SH3BP4: variants seen among roughly 807,000 people sequenced by gnomAD.
SH3BP4 encodes the protein SH3 domain binding protein 4.
In SH3BP4, 33 loss-of-function variants were observed where a neutral mutation model predicts 65.5. The observed-to-expected ratio is 0.50, with a 90% CI of 0.38 to 0.67. The LOEUF (loss-of-function observed/expected upper bound fraction) is 0.67. Among genes scored for constraint, SH3BP4 ranks in the 30% least tolerant of loss-of-function variants. The pLI is 0.00. For synonymous variants in SH3BP4, 552 were observed against 545.5 expected, an observed-to-expected ratio of 1.01 and a Z score of -0.17; for missense variants, 1,134 against 1,261.4, an observed-to-expected ratio of 0.90 and a Z score of 1.53.
rs903363534 is a variant in SH3BP4 at position 235,045,925 on chromosome 2, G to A, written c.2478+2678G>A. Among the ~76,000 whole-genome samples the A allele has an allele frequency of 2.6e-5, 4 of 152,180 alleles. No individual in the cohort carries two copies. Among genetic ancestry groups the A allele is most frequent in the African/African-American group, 9.7e-5 (4 of 41,448 alleles). On this transcript the variant is annotated intron_variant, in intron 4 of 5. Coordinates refer to ENST00000392011, the MANE Select transcript of SH3BP4 (RefSeq NM_014521.3). The surrounding 1 kb of genome is among the most constrained non-coding windows in gnomAD (Gnocchi z 4.3). ...GAGTTTGAGACAGTCAGTGTGCAGG[G>A]AGATGGGAAGGAAAAAGGAGTCAAA...
At position 235,034,887 on chromosome 2, in the gene SH3BP4, G is replaced by T. The variant is rs111873801; in HGVS notation, c.-116G>T. ...TACTTTCAGGAAGAAACATATTGCC[G>T]AGTGGATGCCGCCGCGCAGCGTGTT... is the stretch of plus-strand genomic sequence containing the variant. On this transcript the variant is annotated 5_prime_UTR_variant, in exon 3 of 6. It introduces an in-frame stop codon into an upstream open reading frame of the 5' UTR. Transcript: ENST00000392011. This position sits in a 1 kb window ranked among gnomAD's most constrained non-coding sequence, Gnocchi z 6.2. 175 of 793,658 alleles carry T rather than the reference G, an allele frequency of 2.2e-4. No homozygotes were observed. The African/African-American group carries it at 2.9e-3, about 13-fold the overall frequency. The allele number at this position is 793,658 out of a possible 1,614,324, so 49.2% of individuals were successfully genotyped here. A position where few individuals can be genotyped will look rare whatever the true frequency, so the allele number is the denominator to read the frequency against.
intron 4 of SH3BP4, among the ~76,000 whole-genome samples, chr2:235,050,033 G>A (rs1464073300): frequency 6.6e-6 from 1 of 152,174 alleles, no homozygotes; most frequent in Non-Finnish European, 1.5e-5. Context: ...AAAGTGGGTT[G>A]AACTCAGCCT....
chr2:234,957,277 C>G (rs952002046), intron 1 of SH3BP4, among the ~76,000 whole-genome samples: 1 of 152,074 alleles, frequency 6.6e-6, no homozygotes, highest in Non-Finnish European at 1.5e-5. Context: ...GCTTGGCCTC[C>G]CAAAGTGCTG....
intron 2 of SH3BP4, among the ~76,000 whole-genome samples, chr2:235,015,772 G>T (rs1421325395): frequency 6.6e-6 from 1 of 152,160 alleles, no homozygotes; most frequent in Non-Finnish European, 1.5e-5. Context: ...CTGGGAGGCT[G>T]GTTATTTAAT....
chr2:235,023,571 G>C (rs1694907847), intron 2 of SH3BP4, among the ~76,000 whole-genome samples: 1 of 152,064 alleles, frequency 6.6e-6, no homozygotes, highest in East Asian at 1.9e-4. Context: ...GGGGTGAGAA[G>C]AATGGAAATT....
At chr2:235,031,133 T>C (rs1382661556) in intron 2 of SH3BP4, among the ~76,000 whole-genome samples, 1 of 152,056 alleles carries the variant, frequency 6.6e-6, no homozygotes, top group African/African-American at 2.4e-5. Flanking sequence ...GGGAACATGA[T>C]GGCTTCTGGG....
In SH3BP4 at chr2:234,982,660, A is replaced by C. The variant is rs79029881; in HGVS notation, c.-206-12643A>C. On this transcript the variant is annotated intron_variant, in intron 1 of 5. Coordinates refer to ENST00000392011, the MANE Select transcript of SH3BP4 (RefSeq NM_014521.3). The stretch of plus-strand genomic sequence containing the variant: ...CTTGAGGGAGAGGCAGTTTTTGCAC[A>C]GGCAGGGAGGGGACCAAGGAGGCAT... 1.3e-3 allele frequency among the ~76,000 whole-genome samples: 202 copies of C among 152,248 alleles called. 1 individual carries two copies. Among genetic ancestry groups the C allele is most frequent in the African/African-American group, 4.8e-3 (199 of 41,552 alleles).
At chr2:235,029,900 G>C (rs1273409019) in intron 2 of SH3BP4, among the ~76,000 whole-genome samples, 1 of 152,298 alleles carries the variant, frequency 6.6e-6, no homozygotes, top group Middle Eastern at 3.4e-3. Flanking sequence ...GGAGCTAAGA[G>C]ATGAGGAGAG....
Position 234,967,433 on chromosome 2 carries a change from G to A in SH3BP4, c.-207+15263G>A, listed in dbSNP as rs1028504216. On this transcript the variant is annotated intron_variant, in intron 1 of 5. Coordinates refer to ENST00000392011, the MANE Select transcript of SH3BP4 (RefSeq NM_014521.3). The surrounding 1 kb of genome is among the most constrained non-coding windows in gnomAD (Gnocchi z 4.6). The stretch of plus-strand genomic sequence containing the variant: ...TGAGGGGAAGGCCCTAACACCAAGA[G>A]GGTGTGGAGCTGCGGTCTCACCACT... 1.3e-5 allele frequency among the ~76,000 whole-genome samples: 2 copies of A among 152,098 alleles called. No homozygotes were observed. The highest frequency in any genetic ancestry group is 4.1e-4 in the South Asian group (2 of 4,828).
chr2:234,963,286 T>C (rs1002916420), intron 1 of SH3BP4, among the ~76,000 whole-genome samples: 1 of 152,266 alleles, frequency 6.6e-6, no homozygotes. Flanking sequence ...AGTTTCTCAT[T>C]TGAATGAATC....
At chr2:235,016,579 C>T (rs1694690217) in intron 2 of SH3BP4, among the ~76,000 whole-genome samples, 1 of 152,154 alleles carries the variant, frequency 6.6e-6, no homozygotes, top group Non-Finnish European at 1.5e-5. Context: ...GTAATCTCGG[C>T]TCACTGCAAC....
intron 2 of SH3BP4, among the ~76,000 whole-genome samples, chr2:235,009,632 G>A (rs1021578162): frequency 6.6e-6 from 1 of 151,980 alleles, no homozygotes; most frequent in African/African-American, 2.4e-5. Context: ...GTTCTCTGGG[G>A]TCTTGCCCTT....
chr2:234,958,583 G>A (rs978363340), intron 1 of SH3BP4, among the ~76,000 whole-genome samples: 2 of 151,990 alleles, frequency 1.3e-5, no homozygotes, highest in Non-Finnish European at 2.9e-5. Flanking sequence ...CACACTGCTG[G>A]ATCACCCCCA....
intron 1 of SH3BP4, among the ~76,000 whole-genome samples, chr2:234,957,406 T>C (rs1164483240): frequency 6.6e-6 from 1 of 151,856 alleles, no homozygotes; most frequent in Non-Finnish European, 1.5e-5. Flanking sequence ...CTGCTCACCA[T>C]TCATTGCACT....
In SH3BP4 at chr2:235,046,058, G is replaced by T. The variant is rs1259104111; in HGVS notation, c.2478+2811G>T. On this transcript the variant is annotated intron_variant, in intron 4 of 5. Coordinates refer to ENST00000392011, the MANE Select transcript of SH3BP4 (RefSeq NM_014521.3). The surrounding 1 kb of genome is among the most constrained non-coding windows in gnomAD (Gnocchi z 4.2). ...GGCCCTACCCATCCCAACCCTGGGG[G>T]CCACTGTGCTCTGTGCACCCCTGCC... 3.3e-5 allele frequency among the ~76,000 whole-genome samples: 5 copies of T among 152,102 alleles called. No homozygotes were observed. The highest frequency in any genetic ancestry group is 7.4e-5 in the Non-Finnish European group (5 of 68,010).
rs1282520028 is a variant in SH3BP4, at chr2:235,041,098, A to G, written c.329A>G (p.Gln110Arg). 3 of 1,614,076 alleles carry G rather than the reference A, an allele frequency of 1.9e-6. No homozygotes were observed. The highest frequency in any genetic ancestry group is 2.5e-6 in the Non-Finnish European group (3 of 1,180,046). ...EMGYIPSSYV[Q>R]PLNYRNSTLS... ...GGCTACATCCCCTCCTCCTATGTGC[A>G]GCCCTTGAACTACCGGAACTCAACA... Residue 110 changes from glutamine to arginine, a missense_variant, in exon 4 of 6, where the codon CAG (glutamine) becomes CGG (arginine). Physicochemically the swap from Gln to Arg is conservative, Grantham distance 43 (BLOSUM62 1). Transcript: ENST00000392011. This position sits in a 1 kb window ranked among gnomAD's most constrained non-coding sequence, Gnocchi z 6.0.
In SH3BP4 at chr2:234,997,026, G is replaced by A. The variant is rs916922445; in HGVS notation, c.-133+1650G>A. 6.6e-6 allele frequency among the ~76,000 whole-genome samples: 1 copy of A among 152,236 alleles called. No homozygotes were observed. Among genetic ancestry groups the A allele is most frequent in the Non-Finnish European group, 1.5e-5 (1 of 68,036 alleles). On this transcript the variant is annotated intron_variant, in intron 2 of 5. Transcript: ENST00000392011. This position sits in a 1 kb window ranked among gnomAD's most constrained non-coding sequence, Gnocchi z 4.2. The stretch of plus-strand genomic sequence containing the variant: ...GGGACGGGTGCCGCCATCCCACAGC[G>A]GTGCCCGCTTGTCTCCGTGGCGGGC...
Position 235,035,970 on chromosome 2 carries a change from A to G in SH3BP4, c.118+850A>G, listed in dbSNP as rs1210596037. Reference sequence around the variant, plus strand: ...CTGTTGAAACTGTCTTGCCTGGAGCACAGCTGAAAAGTAGGAACTTGACTT... The same window carrying G: ...CTGTTGAAACTGTCTTGCCTGGAGCGCAGCTGAAAAGTAGGAACTTGACTT... On this transcript the variant is annotated intron_variant, in intron 3 of 5. Coordinates refer to ENST00000392011, the MANE Select transcript of SH3BP4 (RefSeq NM_014521.3). This position sits in a 1 kb window ranked among gnomAD's most constrained non-coding sequence, Gnocchi z 5.0. Among the ~76,000 whole-genome samples, 1 of 152,166 alleles carries G rather than the reference A, an allele frequency of 6.6e-6. No individual in the cohort carries two copies. The highest frequency in any genetic ancestry group is 1.5e-5 in the Non-Finnish European group (1 of 68,030).
chr2:234,980,464 T>A (rs1693341740), intron 1 of SH3BP4, among the ~76,000 whole-genome samples: 4 of 152,192 alleles, frequency 2.6e-5, no homozygotes, highest in Admixed American at 2.6e-4. Flanking sequence ...CATGGAAACT[T>A]GGGGTGAGGG....
Sources: gnomAD v4.1 joint callset for allele counts (sites outside exome capture counted in the v4.1 genomes callset) on GRCh38, gnomAD v4.1.1 for gene constraint, Gnocchi (gnomAD v3.1) non-coding constraint, MANE v1.5 for transcripts, NCBI Gene and HGNC (gene_info 2026-07-23, HGNC 2026-07-21) for gene names.